Variants in TPD52 observed in about 807,000 individuals in gnomAD.
TPD52 encodes the protein prostate and colon associated protein.
Under a neutral mutation model 31.3 loss-of-function variants are expected in TPD52, and 17 were observed. The observed-to-expected ratio is 0.54, with a 90% CI of 0.37 to 0.82. The LOEUF is 0.82. TPD52 is among the 40% of genes least tolerant of loss of function. The pLI, the probability that TPD52 is intolerant of heterozygous loss-of-function variation, is 0.00. For synonymous variants in TPD52, 83 were observed against 89.6 expected (o/e 0.93, Z 0.42); for missense variants, 212 against 240.1 (o/e 0.88, Z 0.77).
chr8:80,170,063 G>C (rs1257118234), intron 1 of TPD52, among the ~76,000 whole-genome samples: 2 of 152,190 alleles, frequency 1.3e-5, no homozygotes, highest in African/African-American at 4.8e-5. Context: ...AAATTAATCT[G>C]AAGGGGAGCG....
chr8:80,038,071 C>G lies in TPD52; in HGVS notation c.*45G>C, dbSNP rs1802745. 17 of 1,606,078 alleles carry G rather than the reference C, an allele frequency of 1.1e-5. No individual in the cohort carries two copies. The African/African-American group carries it at 1.2e-4, about 11-fold the overall frequency. On this transcript the variant is annotated 3_prime_UTR_variant, in exon 8 of 8. Coordinates refer to ENST00000518937, the MANE Select transcript of TPD52 (RefSeq NM_001025253.3). Reference sequence around the variant, plus strand: ...ATGTTGACAAGATGTGCTTGGACCTCGCTTGCAGCATCTGGCAGTGGGTAG... The same window carrying G: ...ATGTTGACAAGATGTGCTTGGACCTGGCTTGCAGCATCTGGCAGTGGGTAG...
At chr8:80,142,467 C>T (rs916884534) in intron 1 of TPD52, among the ~76,000 whole-genome samples, 1 of 152,166 alleles carries the variant, frequency 6.6e-6, no homozygotes, top group Non-Finnish European at 1.5e-5. Context: ...AAATTACAAT[C>T]AGGCTGGGTA....
In TPD52 at chr8:80,037,938, A is replaced by G. The variant is rs1007630637; in HGVS notation, c.*178T>C. ...AAATGTACACTAAAGGGTGTTTCCC[A>G]AGAATAGAGGTGAAGATATTTTCAT... On this transcript the variant is annotated 3_prime_UTR_variant, in exon 8 of 8. Transcript: ENST00000518937. The G allele has an allele frequency of 7.9e-6, 6 of 761,438 alleles. No homozygotes were observed. The African/African-American group carries it at 1.0e-4, about 13-fold the overall frequency. The allele number at this position is 761,438 out of a possible 1,614,324, so 47.2% of individuals were successfully genotyped here.
intron 1 of TPD52, among the ~76,000 whole-genome samples, chr8:80,087,589 C>T (rs1004614981): frequency 1.3e-5 from 2 of 152,218 alleles, no homozygotes; most frequent in African/African-American, 2.4e-5. Flanking sequence ...ACAGCAATCA[C>T]GGGGGCAGGG....
intron 7 of TPD52, among the ~76,000 whole-genome samples, chr8:80,041,540 G>A (rs191093568): frequency 6.6e-5 from 10 of 152,212 alleles, no homozygotes; most frequent in Admixed American, 5.2e-4. Flanking sequence ...AGAGAGGGTC[G>A]AGGAATAGAT....
intron 1 of TPD52, among the ~76,000 whole-genome samples, chr8:80,155,340 G>C (rs761855647): frequency 1.3e-5 from 2 of 152,108 alleles, no homozygotes; most frequent in Non-Finnish European, 2.9e-5. Context: ...AGAATAAAGA[G>C]AACAGCAAGG....
At chr8:80,087,144 TC>T (rs531130629) in intron 1 of TPD52, among the ~76,000 whole-genome samples, 117 of 151,994 alleles carry the variant, frequency 7.7e-4, no homozygotes, top group Admixed American at 7.4e-3. Context: ...CCTTTTTTTT[TC>T]CCCCCATCAA....
chr8:80,118,764 A>G (rs1380649655), intron 1 of TPD52, among the ~76,000 whole-genome samples: 1 of 152,192 alleles, frequency 6.6e-6, no homozygotes, highest in African/African-American at 2.4e-5. Flanking sequence ...CAAGAAGACA[A>G]TAATAAGTGT....
chr8:80,157,756 G>A (rs2131235497), intron 1 of TPD52, among the ~76,000 whole-genome samples: 1 of 152,154 alleles, frequency 6.6e-6, no homozygotes, highest in African/African-American at 2.4e-5. Flanking sequence ...ATACCACCCA[G>A]GGAAAGTATA....
At chr8:80,110,614 TAAAA>T (rs200279005) in intron 1 of TPD52, among the ~76,000 whole-genome samples, 1 of 149,160 alleles carries the variant, frequency 6.7e-6, no homozygotes, top group Non-Finnish European at 1.5e-5. Context: ...GGAGGAAACT[TAAAA>T]AAAACCATTC....
intron 1 of TPD52, among the ~76,000 whole-genome samples, chr8:80,102,980 C>G (rs765998790): frequency 6.6e-6 from 1 of 152,184 alleles, no homozygotes; most frequent in Admixed American, 6.5e-5. Flanking sequence ...TGGAGAACGG[C>G]ATGCTCAAAG....
chr8:80,053,132 C>G, intron 3 of TPD52, 150 bp downstream of exon 3: 1 of 787,848 alleles, frequency 1.3e-6, no homozygotes, highest in African/African-American at 1.8e-5. Context: ...AAAAGGCAGG[C>G]ACACTTGAAA....
intron 1 of TPD52, among the ~76,000 whole-genome samples, chr8:80,069,562 A>T (rs895511529): frequency 6.6e-6 from 1 of 152,028 alleles, no homozygotes; most frequent in Non-Finnish European, 1.5e-5. Context: ...AGGCAGAGAC[A>T]GGCAGATCAC....
chr8:80,078,383 C>T (rs984321842), intron 1 of TPD52, among the ~76,000 whole-genome samples: 1 of 152,180 alleles, frequency 6.6e-6, no homozygotes, highest in Non-Finnish European at 1.5e-5. Context: ...TGGCCAAAAG[C>T]CACAAGAACT....
intron 1 of TPD52, among the ~76,000 whole-genome samples, chr8:80,162,139 T>C (rs1476565205): frequency 6.6e-6 from 1 of 152,126 alleles, no homozygotes. Context: ...GAAATCACTA[T>C]TTTTAGTACC....
intron 1 of TPD52, among the ~76,000 whole-genome samples, chr8:80,144,982 T>C (rs766860369): frequency 2.6e-5 from 4 of 152,144 alleles, no homozygotes; most frequent in Non-Finnish European, 4.4e-5. Flanking sequence ...AATGAGTTAC[T>C]CTGTGGGTTA....
chr8:80,063,796 C>T (rs922678998), intron 2 of TPD52, among the ~76,000 whole-genome samples: 1 of 148,970 alleles, frequency 6.7e-6, no homozygotes, highest in Non-Finnish European at 1.5e-5. Context: ...GACTCCATCT[C>T]GAAAAATAAA....
intron 1 of TPD52, among the ~76,000 whole-genome samples, chr8:80,163,559 T>C (rs1811502215): frequency 1.3e-5 from 2 of 152,240 alleles, no homozygotes; most frequent in Admixed American, 1.3e-4. Flanking sequence ...ACAAGGTACA[T>C]ACAGTTAACA....
chr8:80,125,331 C>T (rs898203274), intron 1 of TPD52, among the ~76,000 whole-genome samples: 1 of 152,054 alleles, frequency 6.6e-6, no homozygotes, highest in Non-Finnish European at 1.5e-5. Flanking sequence ...CTAAAGTTAG[C>T]CAGGTGTGGT....
Sources: allele counts gnomAD v4.1 joint callset (sites outside exome capture counted in the v4.1 genomes callset), GRCh38; gene constraint gnomAD v4.1.1; transcripts MANE v1.5; gene names NCBI Gene and HGNC (gene_info 2026-07-23, HGNC 2026-07-21).